The following TSPOAP1 variants were observed in gnomAD, a reference collection of about 807,000 sequenced individuals.
TSPOAP1 encodes the protein peripheral-type benzodiazepine receptor-associated protein 1.
TSPOAP1 carries 87 observed loss-of-function variants against 197.0 expected under a neutral mutation model. The ratio of observed to expected loss-of-function variants is 0.44; its 90% CI spans 0.37 to 0.53. The LOEUF (loss-of-function observed/expected upper bound fraction) is 0.53, where lower values mean the gene tolerates loss of function less well. Ranked by LOEUF, TSPOAP1 falls within the 20% of genes least tolerant of loss-of-function variation. TSPOAP1 has a pLI of 0.00. For missense variants in TSPOAP1, 2,174 were observed against 2,411.3 expected (o/e 0.90, Z 2.06); for synonymous variants, 913 against 998.9 (o/e 0.91, Z 1.62).
chr17:58,319,964 A>T, intron 12 of TSPOAP1, 145 bp downstream of exon 12: 2 of 1,085,146 alleles, frequency 1.8e-6, no homozygotes, highest in Non-Finnish European at 2.8e-6. Context: ...GTCCTGTGGG[A>T]ACTCCACCCC....
chr17:58,311,739 A>G lies in TSPOAP1; in HGVS notation c.2930-17T>C. 1 of 1,548,382 alleles carries G rather than the reference A, an allele frequency of 6.5e-7. No homozygotes were observed. Among genetic ancestry groups the G allele is most frequent in the Non-Finnish European group, 8.7e-7 (1 of 1,145,054 alleles). ...CAGGTGGGCCTGGGGGCAGGGGGGC[A>G]CAAGACCCAGTGATGCAGGACGCTC... On this transcript the variant is annotated splice_polypyrimidine_tract_variant and intron_variant, in intron 17 of 31. Transcript: ENST00000343736.
chr17:58,316,530 G>T lies in TSPOAP1; in HGVS notation c.1883C>A (p.Ala628Asp), dbSNP rs779578283. 1.2e-6 allele frequency: 2 copies of T among 1,608,928 alleles called. No individual in the cohort carries two copies. Among genetic ancestry groups the T allele is most frequent in the Non-Finnish European group, 1.7e-6 (2 of 1,176,908 alleles). The change falls in exon 15 of 32, where the codon GCC becomes GAC. Residue 628 changes from alanine to aspartate, a missense_variant. By Grantham distance (126) the Ala-to-Asp change is moderately radical. Around this residue, in one of 5 missense-constraint regions of TSPOAP1, gnomAD observed 1,933 missense variants for 2,139.0 expected, o/e 0.90. Coordinates refer to ENST00000343736, the MANE Select transcript of TSPOAP1 (RefSeq NM_004758.4). ...KSCPTPEVDT[A>D]SEVEELEADS... ...TGCCTCCAGCTCCTCTACCTCACTG[G>T]CTGTGTCCACCTGGGGGCAAACAGA...
Position 58,304,961 on chromosome 17 carries a change from C to T in TSPOAP1, c.5544+100G>A, listed in dbSNP as rs1375419352. 1 of 901,796 alleles carries T rather than the reference C, an allele frequency of 1.1e-6. No individual in the cohort carries two copies. Among genetic ancestry groups the T allele is most frequent in the Middle Eastern group, 2.1e-4 (1 of 4,690 alleles). The allele number at this position is 901,796 out of a possible 1,614,324, so 55.9% of individuals were successfully genotyped here. A position where few individuals can be genotyped will look rare whatever the true frequency, so the allele number is the denominator to read the frequency against. On this transcript the variant is annotated intron_variant, in intron 30 of 31. Transcript: ENST00000343736. The surrounding 1 kb of genome is among the most constrained non-coding windows in gnomAD (Gnocchi z 4.2). Reference sequence around the variant, plus strand: ...CTGGACACAGTGCTTACCTGCATGACCACCCCAGCTGCACCCCTGCCGCAA... The same window carrying T: ...CTGGACACAGTGCTTACCTGCATGATCACCCCAGCTGCACCCCTGCCGCAA...
rs543930784 is a variant in TSPOAP1 at position 58,328,109 on chromosome 17, G to A, written c.-189C>T. On this transcript the variant is annotated 5_prime_UTR_variant, in exon 1 of 32. Coordinates refer to ENST00000343736, the MANE Select transcript of TSPOAP1 (RefSeq NM_004758.4). This position sits in a 1 kb window ranked among gnomAD's most constrained non-coding sequence, Gnocchi z 4.3. Reference sequence around the variant, plus strand: ...TGCAGAAGGCGCCAGGGCTGCTGGAGCTGGAGCCAGGGGTATGTGAGCTAT... The same window carrying A: ...TGCAGAAGGCGCCAGGGCTGCTGGAACTGGAGCCAGGGGTATGTGAGCTAT... 28 of 606,184 alleles carry A rather than the reference G, an allele frequency of 4.6e-5. No homozygotes were observed. In the East Asian group the frequency reaches 5.5e-4, roughly 12 times the overall value. The allele number at this position is 606,184 out of a possible 1,614,324, so 37.6% of individuals were successfully genotyped here.
At chr17:58,323,609 G>C in intron 5 of TSPOAP1, 64 bp from the exon 6 acceptor site, 1 of 1,534,338 alleles carries the variant, frequency 6.5e-7, no homozygotes, top group East Asian at 2.3e-5. Flanking sequence ...GCCTGCCCCA[G>C]CCCAGCCTGC....
intron 22 of TSPOAP1, 77 bp from the exon 23 acceptor site, chr17:58,308,018 C>T: frequency 1.2e-5 from 17 of 1,392,908 alleles, no homozygotes; most frequent in Non-Finnish European, 1.7e-5. Context: ...AGCTCTGCCC[C>T]ATCAGCGTAA....
At chr17:58,316,327 G>A in intron 15 of TSPOAP1, 98 bp downstream of exon 15, 1 of 1,199,996 alleles carries the variant, frequency 8.3e-7, no homozygotes. Flanking sequence ...GTCCTGTACT[G>A]CCCCCACCAC....
At chr17:58,318,133 G>A (rs1015442374) in intron 14 of TSPOAP1, 147 bp downstream of exon 14, 3 of 1,020,786 alleles carry the variant, frequency 2.9e-6, no homozygotes, top group East Asian at 2.6e-5. Context: ...TCGCCCACAG[G>A]AGGAATCCAC....
Position 58,305,122 on chromosome 17 carries a change from C to T in TSPOAP1, c.5483G>A (p.Gly1828Asp). The change falls in exon 30 of 32, where the codon GGC becomes GAC. Residue 1828 changes from glycine to aspartate, a missense_variant. By Grantham distance (94) the Gly-to-Asp change is moderately conservative. Transcript: ENST00000343736. ...RGLVPSNFLE[G>D]PGPEAGGLDR... ...CAGGCCGCCTGCCTCAGGCCCAGGG[C>T]CCTCCAGGAAGTTGGATGGAACCAG... The T allele has an allele frequency of 1.2e-6, 2 of 1,613,960 alleles. No homozygotes were observed. Among genetic ancestry groups the T allele is most frequent in the Non-Finnish European group, 1.7e-6 (2 of 1,179,936 alleles).
At chr17:58,325,900 ACT>A (rs1468508388) in intron 3 of TSPOAP1, among the ~76,000 whole-genome samples, 187 bp from the exon 4 acceptor site, 4 of 151,998 alleles carry the variant, frequency 2.6e-5, no homozygotes, top group Admixed American at 2.6e-4. Context: ...GAAAGGATTA[ACT>A]CTACATCTGA....
rs566943789 is a variant in TSPOAP1, at chr17:58,326,854, C to T, written c.334-64G>A. 2,982 of 1,361,312 alleles carry T rather than the reference C, an allele frequency of 2.2e-3. 7 individuals carry two copies. The highest frequency in any genetic ancestry group is 2.8e-3 in the Non-Finnish European group (2,709 of 953,492). 84.3% of individuals were successfully genotyped at this position (1,361,312 alleles called of 1,614,324 possible). ...CCACGTCACCCAGCCAGAGCCTTCC[C>T]TGTGGAAGCATCCACCATCCATGGT... On this transcript the variant is annotated intron_variant, in intron 1 of 31. Coordinates refer to ENST00000343736, the MANE Select transcript of TSPOAP1 (RefSeq NM_004758.4). The surrounding 1 kb of genome is among the most constrained non-coding windows in gnomAD (Gnocchi z 4.7).
In TSPOAP1 at chr17:58,322,868, G is replaced by T; in HGVS notation, c.1194+82C>A. 1 of 1,603,124 alleles carries T rather than the reference G, an allele frequency of 6.2e-7. No individual in the cohort carries two copies. Among genetic ancestry groups the T allele is most frequent in the Non-Finnish European group, 8.5e-7 (1 of 1,173,332 alleles). On this transcript the variant is annotated intron_variant, in intron 8 of 31. Coordinates refer to ENST00000343736, the MANE Select transcript of TSPOAP1 (RefSeq NM_004758.4). This position sits in a 1 kb window ranked among gnomAD's most constrained non-coding sequence, Gnocchi z 5.0. ...GAACAGTACCCTACCCCTGCTCAGG[G>T]GTGGAGGAGAAAGCCCCTTGGCTGG...
In TSPOAP1 at chr17:58,326,120, G is replaced by A. The variant is rs969255950; in HGVS notation, c.570+173C>T. On this transcript the variant is annotated intron_variant, in intron 3 of 31. Transcript: ENST00000343736. The surrounding 1 kb of genome is among the most constrained non-coding windows in gnomAD (Gnocchi z 4.7). Reference sequence around the variant, plus strand: ...CCCCCTGCAGCTCCAGAAACCTTTGGCCTCCTTGCCTGGCCAGCCTCTGCC... The same window carrying A: ...CCCCCTGCAGCTCCAGAAACCTTTGACCTCCTTGCCTGGCCAGCCTCTGCC... Among the ~76,000 whole-genome samples the A allele has an allele frequency of 6.6e-6, 1 of 152,104 alleles. No homozygotes were observed. Among genetic ancestry groups the A allele is most frequent in the Admixed American group, 6.5e-5 (1 of 15,274 alleles).
Position 58,316,084 on chromosome 17 carries a change from C to A in TSPOAP1, c.2037G>T (p.Pro679=), listed in dbSNP as rs372282209. 19 of 1,614,010 alleles carry A rather than the reference C, an allele frequency of 1.2e-5. No homozygotes were observed. The highest frequency in any genetic ancestry group is 7.7e-5 in the South Asian group (7 of 91,084). ...GPNENPEAEL[P]LTAGEYIYIY... The stretch of plus-strand genomic sequence containing the variant: ...TGTAGATGTACTCGCCAGCTGTCAG[C>A]GGAAGCTCTGCTTCTGGATTCTCAT... Residue 679 remains proline, a synonymous_variant, in exon 16 of 32, where the codon CCG becomes CCT. Transcript: ENST00000343736.
Position 58,320,478 on chromosome 17 carries a change from C to G in TSPOAP1, c.1473+53G>C, listed in dbSNP as rs1598075214. 1.1e-5 allele frequency: 16 copies of G among 1,465,670 alleles called. 1 individual carries two copies. Among genetic ancestry groups the G allele is most frequent in the Middle Eastern group, 1.9e-4 (1 of 5,130 alleles). The allele number at this position is 1,465,670 out of a possible 1,614,324, so 90.8% of individuals were successfully genotyped here. A position where few individuals can be genotyped will look rare whatever the true frequency, so the allele number is the denominator to read the frequency against. On this transcript the variant is annotated intron_variant, in intron 11 of 31. Transcript: ENST00000343736. ...TCCATTTCAGCTCTATCTGGAGGAC[C>G]CCCGCCTTCCTCCCAAGATGGTGGA...
chr17:58,310,607 A>G lies in TSPOAP1; in HGVS notation c.3604T>C (p.Ser1202Pro). 1 of 1,613,212 alleles carries G rather than the reference A, an allele frequency of 6.2e-7. No homozygotes were observed. The highest frequency in any genetic ancestry group is 2.2e-5 in the East Asian group (1 of 44,866). Residue 1202 changes from serine to proline, a missense_variant, in exon 20 of 32, where the codon TCC (serine) becomes CCC (proline). Around this residue, in one of 5 missense-constraint regions of TSPOAP1, gnomAD observed 1,933 missense variants for 2,139.0 expected, o/e 0.90. Transcript: ENST00000343736. ...EWTAGEACPA[S>P]SSTQGARAQQ... The stretch of plus-strand genomic sequence containing the variant: ...GCCCGTGCTCCCTGGGTGGAGCTGG[A>G]GGCCGGACAGGCCTCTCCTGCAGTC...
At chr17:58,307,342 T>C in intron 24 of TSPOAP1, 3 of 553,366 alleles carry the variant, frequency 5.4e-6, no homozygotes, top group Non-Finnish European at 9.7e-6. Context: ...TTATGTACAT[T>C]GGATCATTTA....
rs1328119708 is a variant in TSPOAP1 at position 58,326,934 on chromosome 17, G to A, written c.334-144C>T. The A allele has an allele frequency of 1.4e-6, 1 of 697,028 alleles. No homozygotes were observed. Among genetic ancestry groups the A allele is most frequent in the Non-Finnish European group, 2.5e-6 (1 of 398,598 alleles). 43.2% of individuals were successfully genotyped at this position (697,028 alleles called of 1,614,324 possible). On this transcript the variant is annotated intron_variant, in intron 1 of 31. Coordinates refer to ENST00000343736, the MANE Select transcript of TSPOAP1 (RefSeq NM_004758.4). The surrounding 1 kb of genome is among the most constrained non-coding windows in gnomAD (Gnocchi z 4.7). ...CCCTATGTCCCAGGCCTTCAGAGAG[G>A]AGCAGAGGAGGCCTAGGAGAAGGAA...
At chr17:58,325,488 C>T (rs1971558111) in intron 4 of TSPOAP1, 46 bp downstream of exon 4, 1 of 1,607,434 alleles carries the variant, frequency 6.2e-7, no homozygotes, top group Non-Finnish European at 8.5e-7. Context: ...GGCAGATGGC[C>T]CTGTGCAGGG....
Sources: allele counts gnomAD v4.1 joint callset (sites outside exome capture counted in the v4.1 genomes callset), GRCh38; gene constraint gnomAD v4.1.1; regional missense constraint gnomAD v4.1.1; non-coding constraint Gnocchi (gnomAD v3.1); transcripts MANE v1.5; gene names NCBI Gene and HGNC (gene_info 2026-07-23, HGNC 2026-07-21).